EMCN: variants seen among roughly 807,000 people sequenced by gnomAD.
EMCN encodes the protein MUC-14.
In EMCN, 37 loss-of-function variants were observed where a neutral mutation model predicts 38.4. That is an observed-to-expected ratio of 0.96 (90% CI 0.74 to 1.27). The LOEUF (loss-of-function observed/expected upper bound fraction) is 1.27. EMCN is among the 50% of genes most tolerant of loss of function. The pLI, the probability that EMCN is intolerant of heterozygous loss-of-function variation, is 0.00. For synonymous variants in EMCN, 95 were observed against 100.8 expected (o/e 0.94, Z 0.35); for missense variants, 318 against 302.8 (o/e 1.05, Z -0.37).
intron 1 of EMCN, among the ~76,000 whole-genome samples, chr4:100,492,130 G>T (rs1729098131): frequency 6.6e-6 from 1 of 151,568 alleles, no homozygotes; most frequent in South Asian, 2.1e-4. Flanking sequence ...AAGAAAATAG[G>T]AATAAAAAAT....
intron 5 of EMCN, among the ~76,000 whole-genome samples, chr4:100,439,255 G>C (rs530451339): frequency 6.6e-6 from 1 of 151,904 alleles, no homozygotes; most frequent in Non-Finnish European, 1.5e-5. Flanking sequence ...GCTTTTCTTT[G>C]TTGGGAAGTT....
chr4:100,438,742 T>C (rs935425576), intron 5 of EMCN, among the ~76,000 whole-genome samples: 6 of 152,026 alleles, frequency 3.9e-5, no homozygotes, highest in African/African-American at 1.4e-4. Context: ...TTTTATTATA[T>C]TGAGAAACAT....
Position 100,417,143 on chromosome 4 carries a change from T to TA in EMCN, c.665-3dup. 1 of 1,613,780 alleles carries TA rather than the reference T, an allele frequency of 6.2e-7. No homozygotes were observed. Among genetic ancestry groups the TA allele is most frequent in the South Asian group, 1.1e-5 (1 of 91,062 alleles). Reference sequence around the variant, plus strand: ...GATCATTTCCATTTTCTGGTGTGCCTAGGAGAAGAGGGAGTTGTTATTAGA... The same window carrying TA: ...GATCATTTCCATTTTCTGGTGTGCCTAAGGAGAAGAGGGAGTTGTTATTAGA... On this transcript the variant is annotated splice_region_variant and splice_polypyrimidine_tract_variant and intron_variant, in intron 8 of 11. Coordinates refer to ENST00000296420, the MANE Select transcript of EMCN (RefSeq NM_016242.4).
chr4:100,496,502 T>C (rs1448944815), intron 1 of EMCN, among the ~76,000 whole-genome samples: 1 of 152,182 alleles, frequency 6.6e-6, no homozygotes, highest in African/African-American at 2.4e-5. Context: ...TTACTCTTTT[T>C]CTTAAAATTA....
At chr4:100,483,483 A>G (rs1728865208) in intron 1 of EMCN, 1 of 152,168 alleles carries the variant, frequency 6.6e-6, no homozygotes, top group Non-Finnish European at 1.5e-5. Context: ...TAGACAAAAT[A>G]GTTCACTATT....
chr4:100,447,367 G>T (rs1727701591), intron 5 of EMCN, among the ~76,000 whole-genome samples, 166 bp downstream of exon 5: 4 of 151,958 alleles, frequency 2.6e-5, no homozygotes, highest in Non-Finnish European at 5.9e-5. Context: ...TGTTCTCCTG[G>T]TCTGCATTTT....
At position 100,465,497 on chromosome 4, in the gene EMCN, A is replaced by G. The variant is rs1728291037; in HGVS notation, c.302T>C (p.Ile101Thr). The change falls in exon 4 of 12, where the codon ATC becomes ACC. Residue 101 changes from isoleucine to threonine, a missense_variant. Coordinates refer to ENST00000296420, the MANE Select transcript of EMCN (RefSeq NM_016242.4). ...ACTTGTTACTGTTACGTTTGAAATG[A>G]TGGAGTCATTCTTCCTGACATCAGT... Reference protein sequence around the residue: ...TTTDVRKNDSIISNVTVTSVT... With the variant: ...TTTDVRKNDSTISNVTVTSVT... The G allele has an allele frequency of 6.2e-7, 1 of 1,609,024 alleles. No homozygotes were observed. The highest frequency in any genetic ancestry group is 1.3e-5 in the African/African-American group (1 of 74,932).
chr4:100,407,684 T>C (rs1578390897), intron 11 of EMCN, among the ~76,000 whole-genome samples: 1 of 152,172 alleles, frequency 6.6e-6, no homozygotes. Context: ...CCTTGGAGGA[T>C]CTGATGACTA....
chr4:100,511,985 T>C (rs2110311768), intron 1 of EMCN, among the ~76,000 whole-genome samples: 1 of 152,322 alleles, frequency 6.6e-6, no homozygotes, highest in South Asian at 2.1e-4. Flanking sequence ...CACTTCTAGT[T>C]CAGGCATCTG....
chr4:100,468,764 A>T (rs1728392963), intron 3 of EMCN, among the ~76,000 whole-genome samples: 1 of 152,058 alleles, frequency 6.6e-6, no homozygotes, highest in Admixed American at 6.6e-5. Flanking sequence ...AAATGAAAAG[A>T]TATCCTATGT....
chr4:100,417,073 G>A lies in EMCN; in HGVS notation c.689+44C>T, dbSNP rs763329613. On this transcript the variant is annotated intron_variant, in intron 9 of 11. Coordinates refer to ENST00000296420, the MANE Select transcript of EMCN (RefSeq NM_016242.4). ...GTAGAGTAACAATAATTTTCACTACGTAAATGGTAGGGTCTAAACAAAAGA... is the reference window on the plus strand; with the variant it reads ...GTAGAGTAACAATAATTTTCACTACATAAATGGTAGGGTCTAAACAAAAGA... 2.6e-5 allele frequency: 41 copies of A among 1,592,424 alleles called. No homozygotes were observed. In the Middle Eastern group the frequency reaches 5.0e-4, roughly 19 times the overall value.
At chr4:100,472,960 C>CTA (rs778122617) in intron 3 of EMCN, among the ~76,000 whole-genome samples, 13 of 144,896 alleles carry the variant, frequency 9.0e-5, no homozygotes, top group East Asian at 4.0e-4. Context: ...AAATAAACTT[C>CTA]TATATATATA....
chr4:100,501,274 A>G (rs1000582180), intron 1 of EMCN, among the ~76,000 whole-genome samples: 1 of 152,126 alleles, frequency 6.6e-6, no homozygotes, highest in Non-Finnish European at 1.5e-5. Flanking sequence ...TGGCTACCCA[A>G]TGGTACCAGC....
intron 1 of EMCN, among the ~76,000 whole-genome samples, chr4:100,486,453 A>G (rs138064620): frequency 2.6e-5 from 4 of 152,390 alleles, no homozygotes; most frequent in African/African-American, 9.6e-5. Context: ...AAGCTTTTAA[A>G]TTTAAAGTAC....
intron 4 of EMCN, among the ~76,000 whole-genome samples, chr4:100,447,919 A>T (rs1727723624): frequency 6.6e-6 from 1 of 152,036 alleles, no homozygotes; most frequent in Non-Finnish European, 1.5e-5. Flanking sequence ...ATTTTCAAAA[A>T]GTCAGGGTAT....
At position 100,448,839 on chromosome 4, in the gene EMCN, C is replaced by CTTCCTTA. The variant is rs1560619352; in HGVS notation, c.377-1269_377-1268insTAAGGAA. Among the ~76,000 whole-genome samples, 76 of 149,520 alleles carry CTTCCTTA rather than the reference C, an allele frequency of 5.1e-4. 4 individuals are homozygous for CTTCCTTA. Among genetic ancestry groups the CTTCCTTA allele is most frequent in the African/African-American group, 1.8e-3 (72 of 40,070 alleles). ...TCCTTCCTTCCTCCCTCCCTCCCTC[C>CTTCCTTA]CTCCCTTCCTTGCTTTCTGGCTTGC... is the stretch of plus-strand genomic sequence containing the variant. On this transcript the variant is annotated intron_variant, in intron 4 of 11. Transcript: ENST00000296420.
At chr4:100,476,152 TAA>T (rs1220836077) in intron 2 of EMCN, among the ~76,000 whole-genome samples, 3 of 151,922 alleles carry the variant, frequency 2.0e-5, no homozygotes, top group East Asian at 1.9e-4. Flanking sequence ...CAACTCTCTG[TAA>T]TGGTCTTTCT....
chr4:100,417,993 C>A (rs1726785334), intron 8 of EMCN, among the ~76,000 whole-genome samples: 1 of 152,146 alleles, frequency 6.6e-6, no homozygotes, highest in Non-Finnish European at 1.5e-5. Flanking sequence ...TATAATTCTC[C>A]TGGCTTTGAC....
rs1172178685 is a variant in EMCN, at chr4:100,398,366, G to C, written c.*47C>G. On this transcript the variant is annotated 3_prime_UTR_variant, in exon 12 of 12. Transcript: ENST00000296420. ...CCACGCTTGGTGCATAGAAGCTGAA[G>C]ATTAAGCCTGTGAGCAACAACAACA... The C allele has an allele frequency of 6.8e-6, 1 of 146,484 alleles. No individual in the cohort carries two copies. Among genetic ancestry groups the C allele is most frequent in the Non-Finnish European group, 1.5e-5 (1 of 65,602 alleles). 9.1% of individuals were successfully genotyped at this position (146,484 alleles called of 1,614,324 possible).
Sources: gnomAD v4.1 joint callset for allele counts (sites outside exome capture counted in the v4.1 genomes callset) on GRCh38, gnomAD v4.1.1 for gene constraint, MANE v1.5 for transcripts, NCBI Gene and HGNC (gene_info 2026-07-23, HGNC 2026-07-21) for gene names.